DOCK10: variants seen among roughly 807,000 people sequenced by gnomAD.
The protein encoded by DOCK10 is dedicator of cytokinesis protein 10.
DOCK10 carries 145 observed loss-of-function variants against 280.1 expected under a neutral mutation model. That is an observed-to-expected ratio of 0.52 (90% CI 0.45 to 0.59). The LOEUF (loss-of-function observed/expected upper bound fraction) is 0.59, where lower values mean the gene tolerates loss of function less well. DOCK10 is among the 20% of genes least tolerant of loss of function. The pLI, the probability that DOCK10 is intolerant of heterozygous loss-of-function variation, is 0.00. For synonymous variants in DOCK10, 915 were observed against 942.2 expected (o/e 0.97, Z 0.53); for missense variants, 2,368 against 2,651.7 (o/e 0.89, Z 2.35).
intron 33 of DOCK10, among the ~76,000 whole-genome samples, chr2:224,806,536 A>G (rs1057120276): frequency 1.1e-4 from 17 of 152,176 alleles, no homozygotes; most frequent in African/African-American, 3.6e-4. Flanking sequence ...CATTATAGAT[A>G]TAATTATTAC....
intron 1 of DOCK10, among the ~76,000 whole-genome samples, chr2:224,966,284 G>C (rs936580537): frequency 6.6e-6 from 1 of 150,472 alleles, no homozygotes; most frequent in African/African-American, 2.5e-5. Flanking sequence ...CAATTGGATG[G>C]TGCCCCACCC....
intron 13 of DOCK10, among the ~76,000 whole-genome samples, chr2:224,863,303 A>G (rs556776513): frequency 6.6e-6 from 1 of 152,364 alleles, no homozygotes; most frequent in African/African-American, 2.4e-5. Flanking sequence ...CCTGCACACC[A>G]TAGTTTGCCA....
At chr2:225,041,050 C>T (rs1690408256) in intron 1 of DOCK10, among the ~76,000 whole-genome samples, 1 of 149,854 alleles carries the variant, frequency 6.7e-6, no homozygotes, top group East Asian at 2.0e-4. Flanking sequence ...CACCCCCGCC[C>T]GCTCTACACC....
At chr2:224,783,273 ATT>A (rs10713926) in intron 50 of DOCK10, among the ~76,000 whole-genome samples, 24 of 144,022 alleles carry the variant, frequency 1.7e-4, no homozygotes, top group African/African-American at 4.9e-4. Context: ...TCAGACTGGA[ATT>A]TTTTTTTTTT....
intron 7 of DOCK10, among the ~76,000 whole-genome samples, chr2:224,876,425 T>C (rs1457568394): frequency 3.3e-5 from 5 of 152,152 alleles, no homozygotes; most frequent in African/African-American, 1.2e-4. Context: ...CTAAGAAATA[T>C]CTTATTTAGG....
chr2:224,858,665 A>G (rs796252751), intron 14 of DOCK10, among the ~76,000 whole-genome samples: 10 of 152,078 alleles, frequency 6.6e-5, no homozygotes, highest in South Asian at 4.1e-4. Flanking sequence ...AAAAATGTGT[A>G]TATATATATA....
Position 224,796,398 on chromosome 2 carries a change from G to A in DOCK10, c.4856C>T (p.Ala1619Val), listed in dbSNP as rs375365977. The change falls in exon 44 of 56, where the codon GCC (alanine) becomes GTC (valine). Residue 1619 changes from alanine to valine, a missense_variant. Physicochemically the swap from Ala to Val is moderately conservative, Grantham distance 64. This residue lies in a region of DOCK10 where 1,159 missense variants were observed against 1,400.8 expected (regional missense o/e 0.83). Transcript: ENST00000258390. ...CCGAGAGCCTCCAATCCCAGCATCG[G>A]CTATTAACTGGCTCACAGCTTTGAT... ...QLIKAVSQLI[A>V]DAGIGGSRFQ... 7.7e-6 allele frequency: 12 copies of A among 1,567,486 alleles called. No homozygotes were observed. Among genetic ancestry groups the A allele is most frequent in the Non-Finnish European group, 1.0e-5 (12 of 1,154,930 alleles).
intron 41 of DOCK10, among the ~76,000 whole-genome samples, chr2:224,799,233 C>T (rs1692807155): frequency 6.6e-6 from 1 of 152,128 alleles, no homozygotes; most frequent in Admixed American, 6.5e-5. Context: ...TTTGCATTTT[C>T]TAAAATTTCA....
At chr2:224,822,051 C>T (rs1694542269) in intron 28 of DOCK10, among the ~76,000 whole-genome samples, 1 of 152,060 alleles carries the variant, frequency 6.6e-6, no homozygotes. Context: ...AAGTTGGGCC[C>T]ATTTTCCACT....
At chr2:224,987,964 A>G (rs578031858) in intron 1 of DOCK10, among the ~76,000 whole-genome samples, 1 of 152,202 alleles carries the variant, frequency 6.6e-6, no homozygotes, top group African/African-American at 2.4e-5. Flanking sequence ...AAGCCTCAAT[A>G]GTATCTGCGG....
intron 1 of DOCK10, among the ~76,000 whole-genome samples, chr2:224,935,179 T>C (rs187772398): frequency 3.3e-4 from 51 of 152,330 alleles, no homozygotes; most frequent in Admixed American, 1.2e-3. Flanking sequence ...ATCTTTGTAA[T>C]AGTCTGGGCT....
intron 1 of DOCK10, among the ~76,000 whole-genome samples, chr2:224,962,694 G>A (rs891714935): frequency 6.6e-6 from 1 of 152,156 alleles, no homozygotes; most frequent in African/African-American, 2.4e-5. Context: ...CAGAATGCAT[G>A]TTTCTCAAAG....
chr2:224,895,548 T>A (rs188376691), intron 4 of DOCK10, among the ~76,000 whole-genome samples: 4 of 152,294 alleles, frequency 2.6e-5, no homozygotes, highest in Non-Finnish European at 2.9e-5. Flanking sequence ...GTCCAATAAG[T>A]AATTATAGTA....
intron 31 of DOCK10, among the ~76,000 whole-genome samples, chr2:224,811,992 C>T (rs1018129312): frequency 6.6e-6 from 1 of 152,084 alleles, no homozygotes; most frequent in Non-Finnish European, 1.5e-5. Flanking sequence ...TGCATATGAA[C>T]TTTAAAGTAG....
intron 1 of DOCK10, among the ~76,000 whole-genome samples, chr2:225,002,210 C>G (rs1032049348): frequency 1.3e-5 from 2 of 152,176 alleles, no homozygotes; most frequent in Non-Finnish European, 2.9e-5. Flanking sequence ...ACTTGTTTAC[C>G]TGATGCTAAA....
rs144478955 is a variant in DOCK10, at chr2:224,773,063, G to A, written c.6204+94C>T. The A allele has an allele frequency of 1.3e-3, 1,514 of 1,166,206 alleles. 8 individuals carry two copies. Among genetic ancestry groups the A allele is most frequent in the Middle Eastern group, 0.012 (52 of 4,438 alleles). The allele number at this position is 1,166,206 out of a possible 1,614,324, so 72.2% of individuals were successfully genotyped here. ...GTTCTATTCTCACAAAAGGGAAAAT[G>A]TTTCTTATATTCTTTGTAAACAAAG... is the stretch of plus-strand genomic sequence containing the variant. On this transcript the variant is annotated intron_variant, in intron 53 of 55. Transcript: ENST00000258390.
chr2:224,991,385 T>A (rs1055689216), intron 1 of DOCK10, among the ~76,000 whole-genome samples: 18 of 152,224 alleles, frequency 1.2e-4, no homozygotes, highest in African/African-American at 3.6e-4. Flanking sequence ...CCCTTCTACA[T>A]AACTGTTGTA....
intron 14 of DOCK10, chr2:224,862,013 A>C (rs143753552): frequency 9.2e-5 from 14 of 152,416 alleles, no homozygotes; most frequent in African/African-American, 3.1e-4. Flanking sequence ...AGATGTAAAG[A>C]GATTGATGAG....
Position 224,915,352 on chromosome 2 carries a change from G to A in DOCK10, c.333+1343C>T, listed in dbSNP as rs1254848701. On this transcript the variant is annotated intron_variant, in intron 3 of 55. Coordinates refer to ENST00000258390, the MANE Select transcript of DOCK10 (RefSeq NM_014689.3). ...TCACACACTATTTTTATCAGTAAAT[G>A]TGAAAACAGTATTCTCAGATATCCT... Among the ~76,000 whole-genome samples, 3 of 152,158 alleles carry A rather than the reference G, an allele frequency of 2.0e-5. No homozygotes were observed. In the South Asian group the frequency reaches 6.2e-4, roughly 32 times the overall value.
Sources: gnomAD v4.1 joint callset for allele counts (sites outside exome capture counted in the v4.1 genomes callset) on GRCh38, gnomAD v4.1.1 for gene constraint, gnomAD v4.1.1 regional missense constraint, MANE v1.5 for transcripts, NCBI Gene and HGNC (gene_info 2026-07-23, HGNC 2026-07-21) for gene names.